The following SZT2 variants were observed in gnomAD, a reference collection of about 807,000 sequenced individuals.
The protein encoded by SZT2 is KICSTOR complex protein SZT2.
Under a neutral mutation model 404.2 loss-of-function variants are expected in SZT2, and 216 were observed. The ratio of observed to expected loss-of-function variants is 0.53; its 90% CI spans 0.48 to 0.60. The LOEUF (loss-of-function observed/expected upper bound fraction) is 0.60, where lower values mean the gene tolerates loss of function less well. Among genes scored for constraint, SZT2 ranks in the 20% least tolerant of loss-of-function variants. The pLI, the probability that SZT2 is intolerant of heterozygous loss-of-function variation, is 0.00. For synonymous variants in SZT2, 1,693 were observed against 1,749.9 expected, an observed-to-expected ratio of 0.97 and a Z score of 0.81; for missense variants, 3,857 against 4,459.2, an observed-to-expected ratio of 0.86 and a Z score of 3.85.
chr1:43,446,451 C>A, intron 65 of SZT2, 35 bp downstream of exon 65: 1 of 1,611,690 alleles, frequency 6.2e-7, no homozygotes, highest in Non-Finnish European at 8.5e-7. Flanking sequence ...GTCAGTGCAC[C>A]CCAGTGTGCT....
rs372777891 is a variant in SZT2 at position 43,451,747 on chromosome 1, C to T, written c.*1267C>T. The stretch of plus-strand genomic sequence containing the variant: ...GGAAGAGGATACTACATTCCGAGAC[C>T]CCGCAGGCCCCGCCCTCCTTCCGAT... On this transcript the variant is annotated 3_prime_UTR_variant, in exon 72 of 72. Coordinates refer to ENST00000634258, the MANE Select transcript of SZT2 (RefSeq NM_001365999.1). 7.7e-5 allele frequency: 125 copies of T among 1,613,604 alleles called. No homozygotes were observed. Among genetic ancestry groups the T allele is most frequent in the Non-Finnish European group, 9.9e-5 (117 of 1,179,678 alleles).
At position 43,428,372 on chromosome 1, in the gene SZT2, G is replaced by A; in HGVS notation, c.4052G>A (p.Trp1351Ter). 1 of 1,614,144 alleles carries A rather than the reference G, an allele frequency of 6.2e-7. No homozygotes were observed. Among genetic ancestry groups the A allele is most frequent in the Non-Finnish European group, 8.5e-7 (1 of 1,180,030 alleles). The change falls in exon 28 of 72, where the codon TGG (tryptophan) becomes TAG (stop). Residue 1351 changes from tryptophan (W) to a stop codon, truncating the protein, a stop_gained. Coordinates refer to ENST00000634258, the MANE Select transcript of SZT2 (RefSeq NM_001365999.1). LOFTEE classifies it high-confidence loss of function. ...PFLLALCGHTWGLPHAPPSPG... is the reference protein window; with the variant it reads ...PFLLALCGHT ...CTCCTTGCATTGTGTGGCCACACTTGGGGTTTGCCTCATGCACCCCCAAGT... is the reference window on the plus strand; with the variant it reads ...CTCCTTGCATTGTGTGGCCACACTTAGGGTTTGCCTCATGCACCCCCAAGT...
rs970588679 is a variant in SZT2 at position 43,415,142 on chromosome 1, T to C, written c.559T>C (p.Tyr187His). 8 of 1,597,968 alleles carry C rather than the reference T, an allele frequency of 5.0e-6. No homozygotes were observed. In the African/African-American group the frequency reaches 6.7e-5, roughly 13 times the overall value. The change falls in exon 5 of 72, where the codon TAT becomes CAT. Residue 187 changes from tyrosine to histidine, a missense_variant. Physicochemically the swap from Tyr to His is moderately conservative, Grantham distance 83. Around this residue, in one of 7 missense-constraint regions of SZT2, gnomAD observed 536 missense variants for 637.4 expected, o/e 0.84. Coordinates refer to ENST00000634258, the MANE Select transcript of SZT2 (RefSeq NM_001365999.1). ...SQREVFLQQI[Y>H]EQLCLFEDKV... ...GCGGGAGGTGTTCCTGCAGCAGATA[T>C]ATGAGCAGCTCTGCCTCTTTGAGGA...
intron 4 of SZT2, among the ~76,000 whole-genome samples, chr1:43,413,869 G>T (rs1278484672): frequency 6.6e-6 from 1 of 152,116 alleles, no homozygotes; most frequent in Non-Finnish European, 1.5e-5. Flanking sequence ...TAGAAAGAAT[G>T]AATAAGATCT....
At chr1:43,419,300 A>T (rs1199397839) in intron 7 of SZT2, among the ~76,000 whole-genome samples, 1 of 152,270 alleles carries the variant, frequency 6.6e-6, no homozygotes, top group Middle Eastern at 3.2e-3. Flanking sequence ...AATGTAGTCC[A>T]CAGACCAGCA....
In SZT2 at chr1:43,439,700, C is replaced by T; in HGVS notation, c.6973C>T (p.Leu2325=). 6.2e-7 allele frequency: 1 copy of T among 1,612,076 alleles called. No homozygotes were observed. Among genetic ancestry groups the T allele is most frequent in the Non-Finnish European group, 8.5e-7 (1 of 1,179,012 alleles). Residue 2325 remains leucine, a synonymous_variant, in exon 50 of 72, where the codon CTG becomes TTG. Coordinates refer to ENST00000634258, the MANE Select transcript of SZT2 (RefSeq NM_001365999.1). The surrounding 1 kb of genome is among the most constrained non-coding windows in gnomAD (Gnocchi z 4.2). The part of the protein sequence containing the change: ...PPSSPGPPDP[L]REEEFEQLTQ... ...CTCCTCTCCGGGGCCCCCAGACCCA[C>T]TGCGAGAGGAGGAATTTGAGCAACT...
In SZT2 at chr1:43,427,180, G is replaced by A. The variant is rs1264793293; in HGVS notation, c.3433+1G>A. ...ACTTTTCTCCCAGCTACCTTCTCAG[G>A]TGCCAGCTGCTGACCTCCTCACGAA... On this transcript the variant is annotated splice_donor_variant, in intron 24 of 71. Coordinates refer to ENST00000634258, the MANE Select transcript of SZT2 (RefSeq NM_001365999.1). LOFTEE classifies it high-confidence loss of function. 1 of 1,614,014 alleles carries A rather than the reference G, an allele frequency of 6.2e-7. No homozygotes were observed. The highest frequency in any genetic ancestry group is 8.5e-7 in the Non-Finnish European group (1 of 1,180,030).
At chr1:43,447,480 C>G (rs1342003924) in intron 66 of SZT2, 65 bp from the exon 67 acceptor site, 3 of 1,570,224 alleles carry the variant, frequency 1.9e-6, no homozygotes, top group Non-Finnish European at 2.6e-6. Flanking sequence ...CATCCCTGTG[C>G]CCCACCAGAC....
intron 28 of SZT2, 29 bp from the exon 29 acceptor site, chr1:43,429,674 A>G: frequency 1.2e-6 from 2 of 1,614,048 alleles, no homozygotes; most frequent in African/African-American, 1.3e-5. Flanking sequence ...GGTTCTTAAC[A>G]CTTCAACATC....
At chr1:43,414,045 G>A (rs1200491680) in intron 4 of SZT2, among the ~76,000 whole-genome samples, 1 of 152,108 alleles carries the variant, frequency 6.6e-6, no homozygotes, top group Admixed American at 6.5e-5. Flanking sequence ...ACTTTGGGAG[G>A]CTGAGGTGGG....
In SZT2 at chr1:43,420,395, A is replaced by G. The variant is rs942712732; in HGVS notation, c.1261+72A>G. On this transcript the variant is annotated intron_variant, in intron 9 of 71. Transcript: ENST00000634258. This position sits in a 1 kb window ranked among gnomAD's most constrained non-coding sequence, Gnocchi z 5.1. ...TTTGTGTGTGGGAAGACCCACATGTATCACACATGAAAGAGTGTCACATTG... is the reference window on the plus strand; with the variant it reads ...TTTGTGTGTGGGAAGACCCACATGTGTCACACATGAAAGAGTGTCACATTG... The G allele has an allele frequency of 6.2e-6, 9 of 1,457,248 alleles. No homozygotes were observed. In the Admixed American group the frequency reaches 1.2e-4, roughly 19 times the overall value. 90.3% of individuals were successfully genotyped at this position (1,457,248 alleles called of 1,614,324 possible).
At chr1:43,428,559 C>G in intron 28 of SZT2, 73 bp downstream of exon 28, 1 of 1,558,060 alleles carries the variant, frequency 6.4e-7, no homozygotes, top group Admixed American at 1.8e-5. Context: ...CCTTCCAGTC[C>G]AGGGGAATGA....
At chr1:43,444,196 G>A (rs1041374392) in intron 62 of SZT2, among the ~76,000 whole-genome samples, 3 of 151,998 alleles carry the variant, frequency 2.0e-5, no homozygotes, top group Admixed American at 6.5e-5. Flanking sequence ...TCCTGGGTTC[G>A]AGCAATTCTT....
rs1234479963 is a variant in SZT2, at chr1:43,447,759, C to G, written c.9440+61C>G. ...AGGAGCTGGGGTTGGGACATACTTG[C>G]AGTAGGGAGACCAATGTTTTCTTGG... On this transcript the variant is annotated intron_variant, in intron 67 of 71. Coordinates refer to ENST00000634258, the MANE Select transcript of SZT2 (RefSeq NM_001365999.1). 5 of 1,610,480 alleles carry G rather than the reference C, an allele frequency of 3.1e-6. No homozygotes were observed. In the Admixed American group the frequency reaches 6.7e-5, roughly 22 times the overall value.
Position 43,426,991 on chromosome 1 carries a change from G to C in SZT2, c.3310-65G>C. The C allele has an allele frequency of 6.2e-7, 1 of 1,601,960 alleles. No homozygotes were observed. Among genetic ancestry groups the C allele is most frequent in the Admixed American group, 1.7e-5 (1 of 59,402 alleles). ...CCTAAGATGAGTCAGCTCTAGGGTGGAGGAGGGGAACAGGGGTTGGACATT... is the reference window on the plus strand; with the variant it reads ...CCTAAGATGAGTCAGCTCTAGGGTGCAGGAGGGGAACAGGGGTTGGACATT... On this transcript the variant is annotated intron_variant, in intron 23 of 71. Transcript: ENST00000634258. This position sits in a 1 kb window ranked among gnomAD's most constrained non-coding sequence, Gnocchi z 4.9.
chr1:43,436,907 T>TTGCC (rs1654512950), intron 42 of SZT2: 1 of 513,592 alleles, frequency 1.9e-6, no homozygotes, highest in Non-Finnish European at 3.5e-6. Context: ...TCCTCATGCT[T>TTGCC]TGCCTGCCTT....
Position 43,439,674 on chromosome 1 carries a change from C to T in SZT2, c.6947C>T (p.Pro2316Leu), listed in dbSNP as rs1325674440. Residue 2316 changes from proline (P) to leucine (L), a missense_variant, in exon 50 of 72, where the codon CCC (proline) becomes CTC (leucine). Coordinates refer to ENST00000634258, the MANE Select transcript of SZT2 (RefSeq NM_001365999.1). This position sits in a 1 kb window ranked among gnomAD's most constrained non-coding sequence, Gnocchi z 4.2. ...CCCTTGTCACTGGCGTTGTGGCCCC[C>T]CTCCTCTCCGGGGCCCCCAGACCCA... ...GAPLSLALWP[P>L]SSPGPPDPLR... 1.2e-6 allele frequency: 2 copies of T among 1,613,152 alleles called. No homozygotes were observed. Among genetic ancestry groups the T allele is most frequent in the South Asian group, 1.1e-5 (1 of 90,922 alleles).
Position 43,453,360 on chromosome 1 carries a change from G to C in SZT2, c.*2880G>C. 6.9e-7 allele frequency: 1 copy of C among 1,455,408 alleles called. No homozygotes were observed. The highest frequency in any genetic ancestry group is 9.4e-7 in the Non-Finnish European group (1 of 1,063,962). 90.2% of individuals were successfully genotyped at this position (1,455,408 alleles called of 1,614,324 possible). On this transcript the variant is annotated 3_prime_UTR_variant, in exon 72 of 72. Transcript: ENST00000634258. ...CTGCATCAGGGTCATGGGTCACAGG[G>C]GTGGGGGTGGGGTGGAGCGGGGTAC...
chr1:43,425,191 A>C lies in SZT2; in HGVS notation c.2629A>C (p.Thr877Pro), dbSNP rs779141475. The C allele has an allele frequency of 1.2e-6, 2 of 1,613,780 alleles. No homozygotes were observed. Among genetic ancestry groups the C allele is most frequent in the East Asian group, 4.5e-5 (2 of 44,854 alleles). ...VQYILFPPHS[T>P]STKDSFSTDD... The stretch of plus-strand genomic sequence containing the variant: ...GTACATCCTCTTCCCCCCACACTCT[A>C]CCTCCACCAAAGACAGGTGAGACAG... The change falls in exon 18 of 72, where the codon ACC becomes CCC. Residue 877 changes from threonine (T) to proline (P), a missense_variant. Physicochemically the swap from Thr to Pro is conservative, Grantham distance 38. Transcript: ENST00000634258. This position sits in a 1 kb window ranked among gnomAD's most constrained non-coding sequence, Gnocchi z 4.3.
Sources: gnomAD v4.1 joint callset for allele counts (sites outside exome capture counted in the v4.1 genomes callset) on GRCh38, gnomAD v4.1.1 for gene constraint, gnomAD v4.1.1 regional missense constraint, Gnocchi (gnomAD v3.1) non-coding constraint, MANE v1.5 for transcripts, NCBI Gene and HGNC (gene_info 2026-07-23, HGNC 2026-07-21) for gene names.